Variants in DDX31 observed in about 807,000 individuals in gnomAD.
DDX31 encodes ATP-dependent DNA helicase DDX31.
Under a neutral mutation model 91.3 loss-of-function variants are expected in DDX31, and 70 were observed. That is an observed-to-expected ratio of 0.77 (90% confidence interval 0.63 to 0.94). DDX31 has a LOEUF of 0.94. Ranked by LOEUF, DDX31 falls within the 40% of genes least tolerant of loss-of-function variation. DDX31 has a pLI of 0.00. For synonymous variants in DDX31, 362 were observed against 350.6 expected (o/e 1.03, Z -0.36); for missense variants, 902 against 925.0 (o/e 0.98, Z 0.32).
chr9:132,641,580 T>C (rs1364751345), intron 14 of DDX31, among the ~76,000 whole-genome samples: 1 of 152,158 alleles, frequency 6.6e-6, no homozygotes, highest in South Asian at 2.1e-4. Flanking sequence ...ACAGGACAAA[T>C]GATAGTCGGA....
intron 1 of DDX31, among the ~76,000 whole-genome samples, chr9:132,666,349 TAA>T (rs769117514): frequency 2.8e-5 from 4 of 144,882 alleles, no homozygotes; most frequent in Admixed American, 6.9e-5. Context: ...TTTGATAAGT[TAA>T]AAAAAAAAAA....
intron 17 of DDX31, among the ~76,000 whole-genome samples, chr9:132,622,518 C>T (rs956963630): frequency 6.6e-6 from 1 of 152,374 alleles, no homozygotes; most frequent in East Asian, 1.9e-4. Context: ...TGCCCTTCTA[C>T]AGCTTCCCTG....
chr9:132,620,588 G>A (rs1319615003), intron 17 of DDX31, among the ~76,000 whole-genome samples: 2 of 150,830 alleles, frequency 1.3e-5, no homozygotes, highest in African/African-American at 4.9e-5. Context: ...ACAATACTTA[G>A]GAAAAAAAAA....
chr9:132,606,563 C>T (rs566338419), intron 19 of DDX31, among the ~76,000 whole-genome samples: 3 of 152,282 alleles, frequency 2.0e-5, no homozygotes, highest in South Asian at 2.1e-4. Flanking sequence ...CAGATGCTCC[C>T]GCTTATTCCC....
intron 12 of DDX31, among the ~76,000 whole-genome samples, chr9:132,646,484 T>C (rs1833845999): frequency 6.6e-6 from 1 of 152,044 alleles, no homozygotes; most frequent in African/African-American, 2.4e-5. Flanking sequence ...AGTAAATAAA[T>C]ACACAAATGC....
At chr9:132,605,025 G>A (rs1427649872) in intron 19 of DDX31, among the ~76,000 whole-genome samples, 3 of 152,202 alleles carry the variant, frequency 2.0e-5, no homozygotes, top group East Asian at 1.9e-4. Flanking sequence ...CCCCAGGCCT[G>A]TTCTCTTAGG....
chr9:132,604,603 C>G (rs1289372905), intron 19 of DDX31, among the ~76,000 whole-genome samples: 1 of 152,144 alleles, frequency 6.6e-6, no homozygotes, highest in Non-Finnish European at 1.5e-5. Flanking sequence ...GTCCCTGGGT[C>G]AAGTTCACGG....
chr9:132,617,514 G>A (rs1271658426), intron 18 of DDX31, among the ~76,000 whole-genome samples: 2 of 152,062 alleles, frequency 1.3e-5, no homozygotes, highest in African/African-American at 2.4e-5. Flanking sequence ...CAAATGAATG[G>A]TTTTTAAAGC....
chr9:132,628,585 A>G (rs145316255), intron 16 of DDX31, among the ~76,000 whole-genome samples: 1 of 152,298 alleles, frequency 6.6e-6, no homozygotes, highest in African/African-American at 2.4e-5. Context: ...GTGTTATTAG[A>G]GAAAAATGAA....
chr9:132,659,014 C>T (rs908617577), intron 5 of DDX31, among the ~76,000 whole-genome samples: 12 of 152,220 alleles, frequency 7.9e-5, no homozygotes, highest in Non-Finnish European at 1.5e-4. Flanking sequence ...CCAAATTACA[C>T]AGAAGCTCAA....
chr9:132,602,341 G>A (rs528449652), intron 19 of DDX31, among the ~76,000 whole-genome samples: 12 of 152,348 alleles, frequency 7.9e-5, no homozygotes, highest in African/African-American at 2.2e-4. Context: ...ACTCTATGTA[G>A]TTTCCATCTT....
At position 132,669,936 on chromosome 9, in the gene DDX31, G is replaced by C. The variant is rs1374911388; in HGVS notation, c.-2C>G. Reference sequence around the variant, plus strand: ...GAGCGAACCGTCGGCGGCTGCCATGGTCTGCGTGGGTGACGCGTGGTGCAG... The same window carrying C: ...GAGCGAACCGTCGGCGGCTGCCATGCTCTGCGTGGGTGACGCGTGGTGCAG... On this transcript the variant is annotated 5_prime_UTR_variant, in exon 1 of 20. Transcript: ENST00000372159. The C allele has an allele frequency of 6.3e-7, 1 of 1,589,640 alleles. No individual in the cohort carries two copies.
chr9:132,632,253 C>CGT (rs1832808310), intron 14 of DDX31, among the ~76,000 whole-genome samples, 162 bp from the exon 15 acceptor site: 44 of 103,648 alleles, frequency 4.2e-4, no homozygotes, highest in African/African-American at 2.8e-3. Flanking sequence ...CACACACACA[C>CGT]ACACACACAC....
At chr9:132,649,771 G>A (rs1040490289) in intron 9 of DDX31, among the ~76,000 whole-genome samples, 1 of 152,170 alleles carries the variant, frequency 6.6e-6, no homozygotes, top group Non-Finnish European at 1.5e-5. Flanking sequence ...TTTACTTGTT[G>A]CAACGATTTT....
At chr9:132,653,494 C>CAAAAAAAAAAAAAAAAAA (rs71376648) in intron 6 of DDX31, among the ~76,000 whole-genome samples, 1 of 20,662 alleles carries the variant, frequency 4.8e-5, no homozygotes, top group Non-Finnish European at 1.5e-4. Context: ...AACTCAGTCT[C>CAAAAAAAAAAAAAAAAAA]AAAAAAAAAA....
chr9:132,666,581 T>C (rs1316390685), intron 1 of DDX31, among the ~76,000 whole-genome samples: 4 of 152,166 alleles, frequency 2.6e-5, no homozygotes, highest in Admixed American at 2.6e-4. Flanking sequence ...TGGAGTGCAG[T>C]GATCTCTGCT....
intron 19 of DDX31, among the ~76,000 whole-genome samples, chr9:132,607,096 G>C (rs564028451): frequency 3.3e-5 from 5 of 152,358 alleles, no homozygotes; most frequent in African/African-American, 1.2e-4. Flanking sequence ...ATTTTAGAAA[G>C]TAAATGACTT....
At chr9:132,668,890 A>T (rs933582099) in intron 1 of DDX31, among the ~76,000 whole-genome samples, 1 of 152,174 alleles carries the variant, frequency 6.6e-6, no homozygotes, top group Non-Finnish European at 1.5e-5. Context: ...TATACATTCT[A>T]GAGAGGCATG....
In DDX31 at chr9:132,662,081, A is replaced by G. The variant is rs922036617; in HGVS notation, c.408+180T>C. On this transcript the variant is annotated intron_variant, in intron 3 of 19. Transcript: ENST00000372159. Reference sequence around the variant, plus strand: ...GGGGGGCCAGAAAACAGTGAACAGTAACCTAAGCACCCTTGAACTGTCCTA... The same window carrying G: ...GGGGGGCCAGAAAACAGTGAACAGTGACCTAAGCACCCTTGAACTGTCCTA... Among the ~76,000 whole-genome samples, 4 of 152,248 alleles carry G rather than the reference A, an allele frequency of 2.6e-5. No homozygotes were observed. The East Asian group carries it at 7.7e-4, about 29-fold the overall frequency.
Sources: gnomAD v4.1 joint callset for allele counts (sites outside exome capture counted in the v4.1 genomes callset) on GRCh38, gnomAD v4.1.1 for gene constraint, MANE v1.5 for transcripts, NCBI Gene and HGNC (gene_info 2026-07-23, HGNC 2026-07-21) for gene names.